The following RGS7 variants were observed in gnomAD, a reference collection of about 807,000 sequenced individuals.
RGS7 encodes the protein regulator of G-protein signaling 7.
RGS7 carries 27 observed loss-of-function variants against 81.1 expected under a neutral mutation model. The ratio of observed to expected loss-of-function variants is 0.33; its 90% CI spans 0.25 to 0.46. RGS7 has a LOEUF of 0.46. Ranked by LOEUF, RGS7 falls within the 20% of genes least tolerant of loss-of-function variation. The pLI is 1.00. For missense variants in RGS7, 396 were observed against 607.4 expected (o/e 0.65, Z 3.66); for synonymous variants, 208 against 207.7 (o/e 1.00, Z -0.01).
chr1:240,834,703 G>A (rs1694407052), intron 9 of RGS7, among the ~76,000 whole-genome samples: 1 of 151,962 alleles, frequency 6.6e-6, no homozygotes. Context: ...AGTAGAGACG[G>A]GGTTTCACCG....
At chr1:241,292,045 G>A (rs962813405) in intron 2 of RGS7, among the ~76,000 whole-genome samples, 2 of 152,092 alleles carry the variant, frequency 1.3e-5, no homozygotes, top group African/African-American at 2.4e-5. Flanking sequence ...CCTACACAGG[G>A]TCCAGATCAT....
intron 1 of RGS7, 148 bp from the exon 2 acceptor site, chr1:241,355,974 G>A: frequency 1.6e-6 from 1 of 625,528 alleles, no homozygotes. Flanking sequence ...TTTTTAAAAA[G>A]TGAGTTGACA....
At chr1:241,312,995 G>A (rs1213563278) in intron 2 of RGS7, among the ~76,000 whole-genome samples, 3 of 152,232 alleles carry the variant, frequency 2.0e-5, no homozygotes, top group East Asian at 1.9e-4. Flanking sequence ...GATCAAACCC[G>A]CCACAACATT....
At chr1:240,782,006 C>T (rs1281981338) in intron 18 of RGS7, among the ~76,000 whole-genome samples, 1 of 147,456 alleles carries the variant, frequency 6.8e-6, no homozygotes, top group African/African-American at 2.7e-5. Context: ...TAGAGTGAGA[C>T]TCCGTCTCAA....
chr1:240,873,652 C>G (rs1664864712), intron 6 of RGS7, among the ~76,000 whole-genome samples: 1 of 152,138 alleles, frequency 6.6e-6, no homozygotes, highest in Non-Finnish European at 1.5e-5. Flanking sequence ...TCTAGAGAAG[C>G]TGGAGTGGTC....
chr1:241,232,212 T>C (rs12088497), intron 2 of RGS7, among the ~76,000 whole-genome samples: 22,465 of 107,656 alleles, frequency 0.21, 2,038 homozygotes, highest in Middle Eastern at 0.28. Flanking sequence ...CTCTCTCTCT[T>C]TCTCTCTCTC....
intron 2 of RGS7, among the ~76,000 whole-genome samples, chr1:241,207,122 C>T (rs1480250354): frequency 6.6e-6 from 1 of 151,544 alleles, no homozygotes; most frequent in African/African-American, 2.4e-5. Context: ...GTGCCCACCA[C>T]CACGCCCGGC....
intron 2 of RGS7, among the ~76,000 whole-genome samples, chr1:241,114,469 T>C (rs1482828177): frequency 7.2e-5 from 11 of 152,158 alleles, no homozygotes; most frequent in Admixed American, 5.9e-4. Flanking sequence ...TTGTTTTCAT[T>C]TTGGTGACCT....
At chr1:241,328,327 C>G (rs1482033524) in intron 2 of RGS7, among the ~76,000 whole-genome samples, 1 of 152,180 alleles carries the variant, frequency 6.6e-6, no homozygotes, top group Non-Finnish European at 1.5e-5. Context: ...AAAGGAAGAC[C>G]TGGTCCACTG....
chr1:241,082,618 A>G lies in RGS7; in HGVS notation c.175+16048T>C, dbSNP rs118027586. 3.5e-4 allele frequency among the ~76,000 whole-genome samples: 54 copies of G among 152,328 alleles called. 1 individual carries two copies. The East Asian group carries it at 0.01, about 29-fold the overall frequency. On this transcript the variant is annotated intron_variant, in intron 3 of 18. Transcript: ENST00000440928. ...AGTTGGTTAACAGGTACAAAAATAC[A>G]GTCTGATAGAAGGAGTAAGTTCTAG...
In RGS7 at chr1:240,944,272, GTGTGTGTGTGTATATA is replaced by G. The variant is rs1449549235; in HGVS notation, c.227-7582_227-7567del. ...TCTGTTATATTATATGTGTGTGTGT[GTGTGTGTGTGTATATA>G]TATATATATATATATATATATATAT... On this transcript the variant is annotated intron_variant, in intron 4 of 18. Coordinates refer to ENST00000440928, the MANE Select transcript of RGS7 (RefSeq NM_001364886.1). Among the ~76,000 whole-genome samples the G allele has an allele frequency of 4.0e-3, 150 of 37,090 alleles. 1 individual carries two copies. Among genetic ancestry groups the G allele is most frequent in the Middle Eastern group, 0.019 (1 of 54 alleles). The allele number at this position is 37,090 out of a possible 152,430, so 24.3% of individuals were successfully genotyped here.
At chr1:241,255,052 A>G (rs142639504) in intron 2 of RGS7, among the ~76,000 whole-genome samples, 7 of 152,340 alleles carry the variant, frequency 4.6e-5, no homozygotes, top group African/African-American at 1.7e-4. Flanking sequence ...CTGAAGATAT[A>G]TAATCTCAGA....
intron 4 of RGS7, among the ~76,000 whole-genome samples, chr1:240,943,407 T>G (rs1677933373): frequency 6.6e-6 from 1 of 152,180 alleles, no homozygotes. Flanking sequence ...TGAGATAATA[T>G]GCACAATGCA....
chr1:241,186,521 A>ATG (rs1318970267), intron 2 of RGS7: 2 of 340,254 alleles, frequency 5.9e-6, no homozygotes, highest in African/African-American at 5.2e-5. Context: ...ATATATATAT[A>ATG]TATTTTTTTT....
intron 18 of RGS7, among the ~76,000 whole-genome samples, chr1:240,787,440 C>T (rs767907004): frequency 8.5e-5 from 13 of 152,120 alleles, no homozygotes; most frequent in Non-Finnish European, 1.3e-4. Flanking sequence ...ACGTAAGGCA[C>T]GCAGCAGGAT....
intron 2 of RGS7, among the ~76,000 whole-genome samples, chr1:241,191,974 T>G (rs1558173756): frequency 6.6e-6 from 1 of 152,118 alleles, no homozygotes; most frequent in Non-Finnish European, 1.5e-5. Context: ...CAGGTGAGGG[T>G]GTTTGGTCTC....
chr1:240,915,630 C>A (rs1672478735), intron 6 of RGS7, among the ~76,000 whole-genome samples: 1 of 152,138 alleles, frequency 6.6e-6, no homozygotes, highest in Non-Finnish European at 1.5e-5. Context: ...AACATAAAAC[C>A]TCACAGTAAT....
intron 3 of RGS7, among the ~76,000 whole-genome samples, chr1:241,021,545 T>C (rs545148012): frequency 4.2e-4 from 64 of 152,276 alleles, no homozygotes; most frequent in African/African-American, 1.5e-3. Flanking sequence ...CAAGAATACG[T>C]ATCCAGTTTC....
chr1:241,062,898 C>G (rs1230273681), intron 3 of RGS7, among the ~76,000 whole-genome samples: 1 of 152,182 alleles, frequency 6.6e-6, no homozygotes, highest in African/African-American at 2.4e-5. Context: ...CTCTTCCTTT[C>G]ACAAGTGTAT....
Sources: allele counts gnomAD v4.1 joint callset (sites outside exome capture counted in the v4.1 genomes callset), GRCh38; gene constraint gnomAD v4.1.1; transcripts MANE v1.5; gene names NCBI Gene and HGNC (gene_info 2026-07-23, HGNC 2026-07-21).